The following CD84 variants were observed in gnomAD, a reference collection of about 807,000 sequenced individuals.
The protein encoded by CD84 is CD84 molecule.
CD84 carries 22 observed loss-of-function variants against 33.8 expected under a neutral mutation model. That is an observed-to-expected ratio of 0.65 (90% CI 0.46 to 0.93). The LOEUF (loss-of-function observed/expected upper bound fraction) is 0.93, where lower values mean the gene tolerates loss of function less well. CD84 is among the 40% of genes least tolerant of loss of function. The pLI, the probability that CD84 is intolerant of heterozygous loss-of-function variation, is 0.00. For missense variants in CD84, 400 were observed against 397.6 expected, an observed-to-expected ratio of 1.01 and a Z score of -0.05; for synonymous variants, 154 against 145.2, an observed-to-expected ratio of 1.06 and a Z score of -0.44.
In CD84 at chr1:160,554,095, C is replaced by G. The variant is rs774900590; in HGVS notation, c.440G>C (p.Ser147Thr). ...ITQSLMASVN[S>T]TCNVTLTCSV... The stretch of plus-strand genomic sequence containing the variant: ...GCATGTCAGTGTGACATTACAGGTG[C>G]TGTTCACAGATGCCATTAAACTCTG... Residue 147 changes from serine to threonine, a missense_variant, in exon 3 of 7, where the codon AGC becomes ACC. Transcript: ENST00000368054. The G allele has an allele frequency of 1.2e-6, 2 of 1,614,154 alleles. No individual in the cohort carries two copies. Among genetic ancestry groups the G allele is most frequent in the Non-Finnish European group, 1.7e-6 (2 of 1,180,008 alleles).
chr1:160,570,981 G>A (rs1205291096), intron 1 of CD84: 3 of 152,362 alleles, frequency 2.0e-5, no homozygotes, highest in East Asian at 3.9e-4. Context: ...GACATTCTGA[G>A]TCATGAGGAG....
chr1:160,554,661 A>T (rs1656485376), intron 2 of CD84, among the ~76,000 whole-genome samples: 1 of 152,374 alleles, frequency 6.6e-6, no homozygotes, highest in Non-Finnish European at 1.5e-5. Flanking sequence ...TCAGCAAAGA[A>T]GTCGCTCGTG....
intron 1 of CD84, chr1:160,571,208 C>A (rs192826631): frequency 6.6e-6 from 1 of 151,888 alleles, no homozygotes; most frequent in African/African-American, 2.4e-5. Context: ...ACAGAAATGG[C>A]GTGGGTGAAG....
In CD84 at chr1:160,548,002, T is replaced by C. The variant is rs1411402795; in HGVS notation, c.*254A>G. On this transcript the variant is annotated 3_prime_UTR_variant, in exon 7 of 7. Transcript: ENST00000368054. Reference sequence around the variant, plus strand: ...CTACATGTGCTATGATGGGAAGAAGTTTGGGAAAACTATACTAGGTAACCT... The same window carrying C: ...CTACATGTGCTATGATGGGAAGAAGCTTGGGAAAACTATACTAGGTAACCT... The C allele has an allele frequency of 3.9e-6, 2 of 514,738 alleles. No homozygotes were observed. Among genetic ancestry groups the C allele is most frequent in the Non-Finnish European group, 7.0e-6 (2 of 284,582 alleles). 31.9% of individuals were successfully genotyped at this position (514,738 alleles called of 1,614,324 possible). A position where few individuals can be genotyped will look rare whatever the true frequency, so the allele number is the denominator to read the frequency against.
chr1:160,565,535 T>G lies in CD84; in HGVS notation c.257A>C (p.His86Pro). The G allele has an allele frequency of 6.2e-7, 1 of 1,613,986 alleles. No homozygotes were observed. Among genetic ancestry groups the G allele is most frequent in the South Asian group, 1.1e-5 (1 of 91,072 alleles). ...CAGATTGTAGTTCGGACCTAAGGCA[T>G]GTATCCGTTCATAATAATTTCTGTG... ...VTHRNYYERI[H>P]ALGPNYNLVI... Residue 86 changes from histidine to proline, a missense_variant, in exon 2 of 7, where the codon CAT (histidine) becomes CCT (proline). Physicochemically the swap from His to Pro is moderately conservative, Grantham distance 77 (BLOSUM62 -2). Transcript: ENST00000368054.
At chr1:160,550,673 C>T (rs1344791764) in intron 5 of CD84, 8 of 985,250 alleles carry the variant, frequency 8.1e-6, no homozygotes, top group Non-Finnish European at 9.6e-6. Flanking sequence ...CTAGTCATGG[C>T]TCATCTAACC....
intron 2 of CD84, among the ~76,000 whole-genome samples, chr1:160,560,684 C>CA (rs1332697116): frequency 1.3e-5 from 2 of 151,768 alleles, no homozygotes; most frequent in African/African-American, 4.8e-5. Flanking sequence ...AAAAACCATT[C>CA]AAAAAATCAA....
chr1:160,551,288 T>C, intron 4 of CD84: 1 of 428,780 alleles, frequency 2.3e-6, no homozygotes, highest in Non-Finnish European at 4.2e-6. Context: ...CCCCAACCCC[T>C]CCCTGTGTGG....
At chr1:160,553,850 A>T (rs1656412891) in intron 3 of CD84, 45 bp downstream of exon 3, 1 of 1,613,776 alleles carries the variant, frequency 6.2e-7, no homozygotes, top group Non-Finnish European at 8.5e-7. Flanking sequence ...AGCTCCTCAG[A>T]GTGATCTCTG....
intron 4 of CD84, 149 bp downstream of exon 4, chr1:160,553,229 C>A: frequency 8.0e-7 from 1 of 1,249,388 alleles, no homozygotes; most frequent in Non-Finnish European, 1.2e-6. Flanking sequence ...ATCCTCAGAG[C>A]CATCATTCTG....
intron 2 of CD84, among the ~76,000 whole-genome samples, chr1:160,557,568 A>C (rs565712053): frequency 6.6e-6 from 1 of 152,236 alleles, no homozygotes; most frequent in Non-Finnish European, 1.5e-5. Flanking sequence ...AATCTTTGAG[A>C]AATGGCCAAG....
chr1:160,551,234 A>T (rs2102130776), intron 4 of CD84, 199 bp from the exon 5 acceptor site: 1 of 556,002 alleles, frequency 1.8e-6, no homozygotes, highest in Non-Finnish European at 3.2e-6. Context: ...GGTCAATGGG[A>T]ATTCTCTTCT....
intron 1 of CD84, among the ~76,000 whole-genome samples, chr1:160,568,611 T>C (rs999388576): frequency 8.5e-5 from 13 of 152,096 alleles, no homozygotes; most frequent in African/African-American, 2.7e-4. Flanking sequence ...CACAAAACCT[T>C]TCTTATTTAT....
chr1:160,575,402 A>AC (rs1657936205), intron 1 of CD84, among the ~76,000 whole-genome samples: 1 of 151,488 alleles, frequency 6.6e-6, no homozygotes, highest in Admixed American at 6.6e-5. Context: ...GGAACCTACT[A>AC]CCCCCATGCA....
In CD84 at chr1:160,549,623, C is replaced by T. The variant is rs3766385; in HGVS notation, c.921+294G>A. 0.23 allele frequency among the ~76,000 whole-genome samples: 35,026 copies of T among 152,046 alleles called. 4,625 individuals are homozygous for T. Among genetic ancestry groups the T allele is most frequent in the Middle Eastern group, 0.35 (102 of 294 alleles). ...TTCACACTGTGAGCTAGCAGTGACC[C>T]CAGGTATTATACGGGATGGAGTTCC... On this transcript the variant is annotated intron_variant, in intron 6 of 6. Transcript: ENST00000368054.
intron 1 of CD84, among the ~76,000 whole-genome samples, chr1:160,574,981 T>C (rs1193924684): frequency 1.3e-5 from 2 of 152,150 alleles, no homozygotes; most frequent in Non-Finnish European, 2.9e-5. Context: ...AAATTAGAGT[T>C]GGGGTATTGG....
At chr1:160,562,393 A>G (rs956424292) in intron 2 of CD84, among the ~76,000 whole-genome samples, 1 of 152,156 alleles carries the variant, frequency 6.6e-6, no homozygotes, top group African/African-American at 2.4e-5. Context: ...GACCAATGGA[A>G]CAGAATAAAG....
intron 1 of CD84, among the ~76,000 whole-genome samples, chr1:160,575,625 T>C (rs1281913148): frequency 6.6e-6 from 1 of 151,876 alleles, no homozygotes; most frequent in Non-Finnish European, 1.5e-5. Flanking sequence ...GAAACAAGAG[T>C]ACCTAGTCAG....
At chr1:160,560,776 G>C (rs978088889) in intron 2 of CD84, among the ~76,000 whole-genome samples, 1 of 151,206 alleles carries the variant, frequency 6.6e-6, no homozygotes, top group African/African-American at 2.4e-5. Flanking sequence ...AAAGAGAGAA[G>C]AATCAAATAA....
Sources: allele counts gnomAD v4.1 joint callset (sites outside exome capture counted in the v4.1 genomes callset), GRCh38; gene constraint gnomAD v4.1.1; transcripts MANE v1.5; gene names NCBI Gene and HGNC (gene_info 2026-07-23, HGNC 2026-07-21).